Variants in NOTCH1 observed in about 807,000 individuals in gnomAD.
NOTCH1 encodes the protein notch receptor 1, also known as neurogenic locus notch homolog protein 1.
In NOTCH1, 37 loss-of-function variants were observed where a neutral mutation model predicts 254.8. The observed-to-expected ratio is 0.15, with a 90% confidence interval of 0.11 to 0.19. The LOEUF (loss-of-function observed/expected upper bound fraction) is 0.19, where lower values mean the gene tolerates loss of function less well. Ranked by LOEUF, NOTCH1 falls within the 10% of genes least tolerant of loss-of-function variation. The probability of loss-of-function intolerance (pLI) is 1.00; values close to 1 mark genes in which losing one functional copy is unlikely to be tolerated. For missense variants in NOTCH1, 2,972 were observed against 3,708.6 expected, an observed-to-expected ratio of 0.80 and a Z score of 5.16; for synonymous variants, 1,731 against 1,618.1, an observed-to-expected ratio of 1.07 and a Z score of -1.68.
At chr9:136,532,254 T>C (rs1037331660) in intron 2 of NOTCH1, among the ~76,000 whole-genome samples, 1 of 152,256 alleles carries the variant, frequency 6.6e-6, no homozygotes, top group South Asian at 2.1e-4. Flanking sequence ...TGGGGAAAGT[T>C]GGGGATTCTT....
At position 136,525,566 on chromosome 9, in the gene NOTCH1, C is replaced by T. The variant is rs557811162; in HGVS notation, c.141-1587G>A. On this transcript the variant is annotated intron_variant, in intron 2 of 33. Transcript: ENST00000651671. ...ATGGGATGTACAGAGGGAACCGTCC[C>T]GCCTTCCGGAGCCCACCTGGGTGCG... Among the ~76,000 whole-genome samples the T allele has an allele frequency of 2.6e-5, 4 of 152,334 alleles. No individual in the cohort carries two copies. The South Asian group carries it at 6.2e-4, about 24-fold the overall frequency.
intron 3 of NOTCH1, 121 bp downstream of exon 3, chr9:136,523,596 G>A: frequency 7.7e-7 from 1 of 1,293,862 alleles, no homozygotes; most frequent in Admixed American, 2.1e-5. Flanking sequence ...TGGGGCAGGG[G>A]CTCCCAATTA....
At chr9:136,517,208 C>G in intron 9 of NOTCH1, 64 bp downstream of exon 9, 1 of 1,082,756 alleles carries the variant, frequency 9.2e-7, no homozygotes, top group South Asian at 1.4e-5. Context: ...AACCCACGCC[C>G]AGGCACCCCT....
chr9:136,503,353 G>A (rs1243011271), intron 26 of NOTCH1, 23 bp from the exon 27 acceptor site: 4 of 1,612,110 alleles, frequency 2.5e-6, no homozygotes, highest in African/African-American at 2.7e-5. Flanking sequence ...TCAGAGAGGG[G>A]CTGGGACCCG....
At chr9:136,517,981 C>A (rs764416401) in intron 7 of NOTCH1, 44 bp from the exon 8 acceptor site, 1 of 1,599,120 alleles carries the variant, frequency 6.3e-7, no homozygotes, top group South Asian at 1.1e-5. Context: ...GGCACCCTGG[C>A]CCCTGCAACA....
chr9:136,525,334 C>A (rs990067753), intron 2 of NOTCH1, among the ~76,000 whole-genome samples: 7 of 152,238 alleles, frequency 4.6e-5, no homozygotes, highest in South Asian at 4.1e-4. Context: ...GCCTGCCCCC[C>A]CCAGCCACCT....
chr9:136,516,241 C>A (rs1256824297), intron 9 of NOTCH1, 147 bp from the exon 10 acceptor site: 5 of 657,074 alleles, frequency 7.6e-6, no homozygotes, highest in Non-Finnish European at 1.4e-5. Context: ...GCTCTCCCTG[C>A]CTCCCGCTGC....
rs1250873852 is a variant in NOTCH1 at position 136,501,416 on chromosome 9, G to A, written c.5638+332C>T. ...GCCACTGCACTCCAGCCTGGGTGAC[G>A]GAGCGAGACTCCATCTCAAAAACAA... On this transcript the variant is annotated intron_variant, in intron 30 of 33. Coordinates refer to ENST00000651671, the MANE Select transcript of NOTCH1 (RefSeq NM_017617.5). Among the ~76,000 whole-genome samples the A allele has an allele frequency of 8.0e-5, 12 of 150,434 alleles. No individual in the cohort carries two copies. In the East Asian group the frequency reaches 1.9e-3, roughly 24 times the overall value.
intron 26 of NOTCH1, 130 bp downstream of exon 26, chr9:136,504,543 C>G: frequency 9.4e-7 from 1 of 1,058,280 alleles, no homozygotes; most frequent in Non-Finnish European, 1.3e-6. Context: ...CTCTCGGAAC[C>G]TCCGTCTCTT....
chr9:136,500,406 C>T lies in NOTCH1; in HGVS notation c.5934+146G>A, dbSNP rs74664694. 2.7e-3 allele frequency: 2,655 copies of T among 999,884 alleles called. 24 individuals are homozygous for T. In the African/African-American group the frequency reaches 0.034, roughly 13 times the overall value. 61.9% of individuals were successfully genotyped at this position (999,884 alleles called of 1,614,324 possible). A position where few individuals can be genotyped will look rare whatever the true frequency, so the allele number is the denominator to read the frequency against. Reference sequence around the variant, plus strand: ...CCTCCCCCTCGCACCTCGCTGACTGCGAAGGTCCCAGGTGGAGGCACCAGT... The same window carrying T: ...CCTCCCCCTCGCACCTCGCTGACTGTGAAGGTCCCAGGTGGAGGCACCAGT... On this transcript the variant is annotated intron_variant, in intron 31 of 33. Transcript: ENST00000651671.
rs1842888230 is a variant in NOTCH1 at position 136,494,496 on chromosome 9, A to C, written c.*1575T>G. 2.5e-6 allele frequency: 1 copy of C among 398,922 alleles called. No individual in the cohort carries two copies. Among genetic ancestry groups the C allele is most frequent in the South Asian group, 1.3e-4 (1 of 7,866 alleles). 24.7% of individuals were successfully genotyped at this position (398,922 alleles called of 1,614,324 possible). On this transcript the variant is annotated 3_prime_UTR_variant, in exon 34 of 34. Coordinates refer to ENST00000651671, the MANE Select transcript of NOTCH1 (RefSeq NM_017617.5). ...ATCAGTTAACAAAAAAGATGAAAAA[A>C]ATACATCATCTACAGTTCCTCATGT...
intron 2 of NOTCH1, among the ~76,000 whole-genome samples, chr9:136,527,889 C>A (rs1294788400): frequency 6.6e-6 from 1 of 152,136 alleles, no homozygotes; most frequent in Non-Finnish European, 1.5e-5. Flanking sequence ...GCTCCCGCCA[C>A]CTCTACCGCC....
chr9:136,518,864 C>T (rs756194945), intron 5 of NOTCH1, 40 bp from the exon 6 acceptor site: 4 of 1,551,976 alleles, frequency 2.6e-6, no homozygotes, highest in African/African-American at 1.4e-5. Context: ...GCAGCTGCCA[C>T]TCCCTGAGCT....
rs557049479 is a variant in NOTCH1 at position 136,509,838 on chromosome 9, C to A, written c.2864G>T (p.Arg955Leu). 5.0e-6 allele frequency: 8 copies of A among 1,613,004 alleles called. No individual in the cohort carries two copies. Among genetic ancestry groups the A allele is most frequent in the Non-Finnish European group, 6.8e-6 (8 of 1,180,026 alleles). The change falls in exon 18 of 34, where the codon CGC becomes CTC. Residue 955 changes from arginine to leucine, a missense_variant. Around this residue, in one of 8 missense-constraint regions of NOTCH1, gnomAD observed 1,343 missense variants for 1,557.0 expected, o/e 0.86. Transcript: ENST00000651671. ...GCAGTCCGTGCAGTTGGCCCCGTTGCGGCAGGGGTCACTGGCACACTCGTT... is the reference window on the plus strand; with the variant it reads ...GCAGTCCGTGCAGTTGGCCCCGTTGAGGCAGGGGTCACTGGCACACTCGTT... The part of the protein sequence containing the change: ...DINECASDPC[R>L]NGANCTDCVD...
At position 136,497,383 on chromosome 9, in the gene NOTCH1, A is replaced by G; in HGVS notation, c.6356T>C (p.Val2119Ala). Residue 2119 changes from valine to alanine, a missense_variant, in exon 34 of 34, where the codon GTG becomes GCG. Val to Ala is a moderately conservative substitution (Grantham distance 64). Transcript: ENST00000651671. ...GGCTCCGTGCAGCTGCGGGCTGCGC[A>G]CCAGGTTGTACTCGTCCAGCAGCCT... ...IVRLLDEYNL[V>A]RSPQLHGAPL... The G allele has an allele frequency of 6.2e-7, 1 of 1,609,464 alleles. No homozygotes were observed. The highest frequency in any genetic ancestry group is 8.5e-7 in the Non-Finnish European group (1 of 1,179,690).
Position 136,513,417 on chromosome 9 carries a change from C to T in NOTCH1, c.2328G>A (p.Val776=), listed in dbSNP as rs753328797. The T allele has an allele frequency of 3.1e-6, 5 of 1,612,834 alleles. No homozygotes were observed. In the African/African-American group the frequency reaches 5.3e-5, roughly 17 times the overall value. The change falls in exon 14 of 34, where the codon GTG becomes GTA. Residue 776 remains valine, a synonymous_variant. Transcript: ENST00000651671. The surrounding 1 kb of genome is among the most constrained non-coding windows in gnomAD (Gnocchi z 4.7). The part of the protein sequence containing the change: ...GTCKDMTSGY[V]CTCREGFSGP... ...CGCTGAAGCCCTCCCGGCAGGTGCACACGTAGCCACTGGTCATGTCTTTGC... is the reference window on the plus strand; with the variant it reads ...CGCTGAAGCCCTCCCGGCAGGTGCATACGTAGCCACTGGTCATGTCTTTGC...
At chr9:136,502,612 C>G in intron 27 of NOTCH1, 124 bp from the exon 28 acceptor site, 1 of 595,538 alleles carries the variant, frequency 1.7e-6, no homozygotes, top group Non-Finnish European at 2.9e-6. Flanking sequence ...TCTCCTCCAT[C>G]CCGCCCTCCA....
rs745523823 is a variant in NOTCH1, at chr9:136,496,766, G to A, written c.6973C>T (p.Pro2325Ser). Residue 2325 changes from proline (P) to serine (S), a missense_variant, in exon 34 of 34, where the codon CCT becomes TCT. Around this residue, in one of 8 missense-constraint regions of NOTCH1, gnomAD observed 529 missense variants for 529.2 expected, o/e 1.00. Transcript: ENST00000651671. ...CCTGGTGCCACACTCCCCCGCAGAG[G>A]GTTGTATTGGTTCGGCACCATGCCG... ...QSGMVPNQYN[P>S]LRGSVAPGPL... 1.9e-6 allele frequency: 3 copies of A among 1,612,882 alleles called. No homozygotes were observed. The highest frequency in any genetic ancestry group is 2.5e-6 in the Non-Finnish European group (3 of 1,180,010).
chr9:136,515,868 G>T, intron 10 of NOTCH1, 113 bp downstream of exon 10: 2 of 1,145,066 alleles, frequency 1.7e-6, no homozygotes, highest in Non-Finnish European at 1.3e-6. Context: ...CTGTGCTCTC[G>T]GCCTCTGGAC....
Sources: allele counts gnomAD v4.1 joint callset (sites outside exome capture counted in the v4.1 genomes callset), GRCh38; gene constraint gnomAD v4.1.1; regional missense constraint gnomAD v4.1.1; non-coding constraint Gnocchi (gnomAD v3.1); transcripts MANE v1.5; gene names NCBI Gene and HGNC (gene_info 2026-07-23, HGNC 2026-07-21).